The following DNAJC3 variants were observed in gnomAD, a reference collection of about 807,000 sequenced individuals.
DNAJC3 encodes the protein dnaJ homolog subfamily C member 3.
Under a neutral mutation model 68.6 loss-of-function variants are expected in DNAJC3, and 38 were observed. The observed-to-expected ratio is 0.55, with a 90% CI of 0.43 to 0.73. DNAJC3 has a LOEUF of 0.73. DNAJC3 is among the 30% of genes least tolerant of loss of function. The probability of loss-of-function intolerance (pLI) is 0.00; values close to 1 mark genes in which losing one functional copy is unlikely to be tolerated. For synonymous variants in DNAJC3, 203 were observed against 204.0 expected, an observed-to-expected ratio of 1.00 and a Z score of 0.04; for missense variants, 526 against 591.9, an observed-to-expected ratio of 0.89 and a Z score of 1.16.
intron 4 of DNAJC3, among the ~76,000 whole-genome samples, chr13:95,753,132 G>A (rs959461254): frequency 2.0e-5 from 3 of 152,020 alleles, no homozygotes; most frequent in African/African-American, 7.3e-5. Context: ...GGATTTAGCT[G>A]CTTCTTCCTT....
At chr13:95,750,018 A>T (rs1042985544) in intron 4 of DNAJC3, among the ~76,000 whole-genome samples, 6 of 151,988 alleles carry the variant, frequency 3.9e-5, no homozygotes, top group Non-Finnish European at 7.4e-5. Flanking sequence ...TGTTTTAAAG[A>T]TAGCACTTTA....
intron 4 of DNAJC3, among the ~76,000 whole-genome samples, chr13:95,751,272 A>G (rs970879178): frequency 6.6e-6 from 1 of 152,234 alleles, no homozygotes; most frequent in Non-Finnish European, 1.5e-5. Context: ...CTCTTTAGCA[A>G]TTTACACTTT....
At chr13:95,736,274 C>A (rs1881914348) in intron 4 of DNAJC3, among the ~76,000 whole-genome samples, 1 of 152,068 alleles carries the variant, frequency 6.6e-6, no homozygotes, top group South Asian at 2.1e-4. Flanking sequence ...CAGCTTTGTT[C>A]TTTTGGCTTA....
chr13:95,710,569 G>T (rs939003806), intron 2 of DNAJC3, among the ~76,000 whole-genome samples: 1 of 151,000 alleles, frequency 6.6e-6, no homozygotes, highest in Non-Finnish European at 1.5e-5. Context: ...TTTTGTACTG[G>T]GACTTTTTGA....
At chr13:95,703,319 C>G (rs1298102523) in intron 1 of DNAJC3, among the ~76,000 whole-genome samples, 1 of 152,232 alleles carries the variant, frequency 6.6e-6, no homozygotes, top group Non-Finnish European at 1.5e-5. Context: ...TACAGCCCAG[C>G]TTTCATGAGC....
At chr13:95,764,683 T>TATATATATATATATATATAC (rs36030034) in intron 9 of DNAJC3, among the ~76,000 whole-genome samples, 1 of 88,264 alleles carries the variant, frequency 1.1e-5, no homozygotes, top group African/African-American at 5.0e-5. Context: ...TATATATATA[T>TATATATATATATATATATAC]ACACACACAC....
In DNAJC3 at chr13:95,709,219, A is replaced by G. The variant is rs772333103; in HGVS notation, c.83-8A>G. The G allele has an allele frequency of 2.3e-5, 34 of 1,506,304 alleles. No individual in the cohort carries two copies. The highest frequency in any genetic ancestry group is 2.8e-5 in the Non-Finnish European group (31 of 1,124,830). The allele number at this position is 1,506,304 out of a possible 1,614,324, so 93.3% of individuals were successfully genotyped here. A position where few individuals can be genotyped will look rare whatever the true frequency, so the allele number is the denominator to read the frequency against. On this transcript the variant is annotated splice_polypyrimidine_tract_variant and splice_region_variant and intron_variant, in intron 1 of 11. Transcript: ENST00000602402. ...AAGTTAACTGATTGTTTTTAATTTTATTTTTAGGTGCTGAATGTGGAGTAA... is the reference window on the plus strand; with the variant it reads ...AAGTTAACTGATTGTTTTTAATTTTGTTTTTAGGTGCTGAATGTGGAGTAA...
intron 4 of DNAJC3, among the ~76,000 whole-genome samples, chr13:95,739,039 C>T (rs1470982100): frequency 6.6e-6 from 1 of 151,798 alleles, no homozygotes. Context: ...AATCTCTCAG[C>T]ATTTGCTTGT....
At chr13:95,685,200 A>T (rs1880040524) in intron 1 of DNAJC3, among the ~76,000 whole-genome samples, 2 of 152,230 alleles carry the variant, frequency 1.3e-5, no homozygotes, top group South Asian at 4.1e-4. Context: ...AAGTCACAGG[A>T]GTGGCACTGC....
Position 95,791,790 on chromosome 13 carries a change from T to C in DNAJC3, c.*760T>C, listed in dbSNP as rs760340370. ...AAAAGTTGTTATAGGTAAAATAAGT[T>C]CAGATAAAATAGTGGTGGTATTTAA... On this transcript the variant is annotated 3_prime_UTR_variant, in exon 12 of 12. Transcript: ENST00000602402. The C allele has an allele frequency of 1.3e-5, 2 of 152,224 alleles. No homozygotes were observed. The highest frequency in any genetic ancestry group is 6.5e-5 in the Admixed American group (1 of 15,288). The allele number at this position is 152,224 out of a possible 1,614,324, so 9.4% of individuals were successfully genotyped here.
chr13:95,758,720 T>A (rs1346455515), intron 5 of DNAJC3, among the ~76,000 whole-genome samples: 1 of 152,198 alleles, frequency 6.6e-6, no homozygotes, highest in Non-Finnish European at 1.5e-5. Flanking sequence ...AAGGATTTAA[T>A]GACAACTGAT....
intron 7 of DNAJC3, among the ~76,000 whole-genome samples, chr13:95,762,249 C>T (rs143053753): frequency 5.9e-4 from 89 of 152,060 alleles, no homozygotes; most frequent in African/African-American, 1.7e-3. Flanking sequence ...GCAACAAGAG[C>T]GAAACTCCGT....
intron 9 of DNAJC3, among the ~76,000 whole-genome samples, chr13:95,767,309 C>T (rs906435428): frequency 6.6e-6 from 1 of 152,200 alleles, no homozygotes; most frequent in Non-Finnish European, 1.5e-5. Context: ...TTTCACTTAG[C>T]ATAGTATCCT....
At position 95,722,358 on chromosome 13, in the gene DNAJC3, A is replaced by C. The variant is rs558930572; in HGVS notation, c.194-884A>C. ...GCAGAGATTATACATTCAATATATC[A>C]ATTTAGTCAGAGGTTTATACATTTC... On this transcript the variant is annotated intron_variant, in intron 2 of 11. Transcript: ENST00000602402. Among the ~76,000 whole-genome samples, 7 of 152,218 alleles carry C rather than the reference A, an allele frequency of 4.6e-5. No individual in the cohort carries two copies. In the East Asian group the frequency reaches 1.4e-3, roughly 29 times the overall value.
In DNAJC3 at chr13:95,794,616, T is replaced by TTTTTGTTTG. The variant is rs1883905557; in HGVS notation, c.*3590_*3598dup. ...AAGAGGTGGGATTATTTGGGGGTTT[T>TTTTTGTTTG]TTTTGTTTGTTTACAGATGATCTCA... On this transcript the variant is annotated 3_prime_UTR_variant, in exon 12 of 12. Transcript: ENST00000602402. 6.6e-6 allele frequency: 1 copy of TTTTTGTTTG among 152,222 alleles called. No individual in the cohort carries two copies. Among genetic ancestry groups the TTTTTGTTTG allele is most frequent in the Admixed American group, 6.5e-5 (1 of 15,286 alleles). The allele number at this position is 152,222 out of a possible 1,614,324, so 9.4% of individuals were successfully genotyped here.
At chr13:95,790,830 C>T (rs372082687) in intron 11 of DNAJC3, 43 bp from the exon 12 acceptor site, 23 of 1,330,928 alleles carry the variant, frequency 1.7e-5, no homozygotes, top group Non-Finnish European at 2.3e-5. Context: ...TGCCCCTATA[C>T]CTTAGATATT....
intron 9 of DNAJC3, among the ~76,000 whole-genome samples, chr13:95,766,478 G>A (rs555880519): frequency 9.9e-5 from 15 of 152,284 alleles, no homozygotes; most frequent in African/African-American, 3.6e-4. Flanking sequence ...GGTAACTCAG[G>A]TGTCCTTATG....
At chr13:95,709,885 C>A (rs17878352) in intron 2 of DNAJC3, among the ~76,000 whole-genome samples, 2,594 of 152,206 alleles carry the variant, frequency 0.017, 76 homozygotes, top group African/African-American at 0.06. Flanking sequence ...GTGATCCGCC[C>A]GCCTCGGCCT....
At chr13:95,717,950 G>A (rs1316266290) in intron 2 of DNAJC3, among the ~76,000 whole-genome samples, 1 of 152,166 alleles carries the variant, frequency 6.6e-6, no homozygotes, top group African/African-American at 2.4e-5. Context: ...AACATCATTT[G>A]TAATTGGCTT....
Sources: gnomAD v4.1 joint callset for allele counts (sites outside exome capture counted in the v4.1 genomes callset) on GRCh38, gnomAD v4.1.1 for gene constraint, MANE v1.5 for transcripts, NCBI Gene and HGNC (gene_info 2026-07-23, HGNC 2026-07-21) for gene names.